The following KIAA1549L variants were observed in gnomAD, a reference collection of about 807,000 sequenced individuals.
KIAA1549L encodes the protein UPF0606 protein KIAA1549L.
Under a neutral mutation model 160.7 loss-of-function variants are expected in KIAA1549L, and 88 were observed. That is an observed-to-expected ratio of 0.55 (90% CI 0.46 to 0.65). The LOEUF (loss-of-function observed/expected upper bound fraction) is 0.65, where lower values mean the gene tolerates loss of function less well. Among genes scored for constraint, KIAA1549L ranks in the 30% least tolerant of loss-of-function variants. The pLI, the probability that KIAA1549L is intolerant of heterozygous loss-of-function variation, is 0.00. For synonymous variants in KIAA1549L, 950 were observed against 976.7 expected (o/e 0.97, Z 0.51); for missense variants, 2,258 against 2,437.5 (o/e 0.93, Z 1.55).
chr11:33,448,919 A>C (rs1851668469), intron 1 of KIAA1549L, among the ~76,000 whole-genome samples: 1 of 152,132 alleles, frequency 6.6e-6, no homozygotes, highest in Non-Finnish European at 1.5e-5. Flanking sequence ...TTTCCCCCTC[A>C]GTGACTCACT....
intron 1 of KIAA1549L, among the ~76,000 whole-genome samples, chr11:33,454,739 T>G (rs993987195): frequency 1.3e-5 from 2 of 152,166 alleles, no homozygotes; most frequent in African/African-American, 4.8e-5. Flanking sequence ...AGATGTCTTT[T>G]GAAAACAAAG....
chr11:33,463,146 T>C (rs963949662), intron 1 of KIAA1549L, among the ~76,000 whole-genome samples: 1 of 152,176 alleles, frequency 6.6e-6, no homozygotes, highest in African/African-American at 2.4e-5. Context: ...TCTTCCTTAA[T>C]GGTACTTTCT....
chr11:33,528,077 C>T (rs947178199), intron 1 of KIAA1549L, among the ~76,000 whole-genome samples: 2 of 152,190 alleles, frequency 1.3e-5, no homozygotes, highest in Admixed American at 6.5e-5. Flanking sequence ...TCCCCATTCA[C>T]CTCCAGCCAT....
chr11:33,429,682 C>G (rs1851191200), intron 1 of KIAA1549L, among the ~76,000 whole-genome samples: 1 of 152,198 alleles, frequency 6.6e-6, no homozygotes, highest in African/African-American at 2.4e-5. Context: ...GCCTAGACCT[C>G]TTTCCTTTGT....
chr11:33,623,304 C>A (rs2133359100), intron 16 of KIAA1549L, among the ~76,000 whole-genome samples: 1 of 152,274 alleles, frequency 6.6e-6, no homozygotes, highest in Non-Finnish European at 1.5e-5. Context: ...ATTCTAGAAG[C>A]AACCTGCTTG....
chr11:33,475,450 G>A (rs1357783593), intron 1 of KIAA1549L, among the ~76,000 whole-genome samples: 6 of 151,920 alleles, frequency 3.9e-5, no homozygotes, highest in Admixed American at 6.6e-5. Context: ...CCAGGGCTTT[G>A]GAAATCTGAG....
chr11:33,635,460 C>G (rs983687801), intron 16 of KIAA1549L, among the ~76,000 whole-genome samples: 1 of 152,180 alleles, frequency 6.6e-6, no homozygotes, highest in African/African-American at 2.4e-5. Flanking sequence ...AGCTGAAAAT[C>G]TGGGCTTTGG....
At chr11:33,537,392 T>A (rs569743687) in intron 1 of KIAA1549L, among the ~76,000 whole-genome samples, 1 of 152,240 alleles carries the variant, frequency 6.6e-6, no homozygotes, top group Non-Finnish European at 1.5e-5. Flanking sequence ...CTTAAGACGT[T>A]GCTTAACTCA....
chr11:33,540,569 G>A (rs1853995637), intron 1 of KIAA1549L, among the ~76,000 whole-genome samples: 3 of 152,224 alleles, frequency 2.0e-5, no homozygotes, highest in Admixed American at 2.0e-4. Context: ...GCAAGTGTCT[G>A]AGGGGGGAAT....
At chr11:33,652,241 G>T (rs531209345) in intron 17 of KIAA1549L, among the ~76,000 whole-genome samples, 1 of 151,948 alleles carries the variant, frequency 6.6e-6, no homozygotes, top group East Asian at 2.0e-4. Flanking sequence ...AATACATGAG[G>T]CAGGAAACTA....
intron 1 of KIAA1549L, among the ~76,000 whole-genome samples, chr11:33,498,214 G>A (rs983096021): frequency 2.6e-5 from 4 of 152,230 alleles, no homozygotes; most frequent in African/African-American, 9.7e-5. Context: ...AGGATTGCTT[G>A]AGCCCAGAAG....
At chr11:33,631,766 A>G (rs546339163) in intron 16 of KIAA1549L, among the ~76,000 whole-genome samples, 1 of 152,068 alleles carries the variant, frequency 6.6e-6, no homozygotes, top group South Asian at 2.1e-4. Context: ...TTCACCTCCA[A>G]CTTCCATTAG....
At chr11:33,515,020 C>T (rs972280322) in intron 1 of KIAA1549L, among the ~76,000 whole-genome samples, 1 of 152,088 alleles carries the variant, frequency 6.6e-6, no homozygotes, top group Admixed American at 6.5e-5. Flanking sequence ...AAGAGGCCAC[C>T]ATTCTCATCT....
chr11:33,408,516 T>A (rs1446828696), intron 1 of KIAA1549L, among the ~76,000 whole-genome samples: 1 of 147,000 alleles, frequency 6.8e-6, no homozygotes, highest in Admixed American at 6.8e-5. Flanking sequence ...TATATACACA[T>A]GTATATATGT....
intron 12 of KIAA1549L, among the ~76,000 whole-genome samples, chr11:33,598,168 TAGAG>T (rs749205913): frequency 1.4e-5 from 2 of 146,034 alleles, no homozygotes; most frequent in African/African-American, 5.2e-5. Context: ...TTGCCACAGT[TAGAG>T]AGTTAGAGAG....
chr11:33,583,392 C>A lies in KIAA1549L; in HGVS notation c.4457C>A (p.Pro1486His). ...NLWIIAAVLA[P>H]IAVVTVIIII... ...TGGATCATCGCTGCAGTGCTGGCGCCCATTGCCGTGGTCACGGTCATCATC... is the reference window on the plus strand; with the variant it reads ...TGGATCATCGCTGCAGTGCTGGCGCACATTGCCGTGGTCACGGTCATCATC... The change falls in exon 11 of 21, where the codon CCC becomes CAC. Residue 1486 changes from proline to histidine, a missense_variant. Around this residue, in one of 6 missense-constraint regions of KIAA1549L, gnomAD observed 1,359 missense variants for 1,546.6 expected, o/e 0.88. Transcript: ENST00000658780. The A allele has an allele frequency of 6.2e-7, 1 of 1,605,462 alleles. No homozygotes were observed. The highest frequency in any genetic ancestry group is 2.2e-5 in the East Asian group (1 of 44,476).
chr11:33,409,477 CAGTGA>C (rs1850743022), intron 1 of KIAA1549L, among the ~76,000 whole-genome samples: 1 of 152,222 alleles, frequency 6.6e-6, no homozygotes, highest in Non-Finnish European at 1.5e-5. Context: ...CTTTGTGCTT[CAGTGA>C]CATTTTTGCT....
chr11:33,525,586 C>T (rs745467917), intron 1 of KIAA1549L, among the ~76,000 whole-genome samples: 1 of 102,258 alleles, frequency 9.8e-6, no homozygotes, highest in Non-Finnish European at 2.1e-5. Flanking sequence ...AGAATCTGGT[C>T]GGGGTCGGGG....
intron 1 of KIAA1549L, among the ~76,000 whole-genome samples, chr11:33,388,938 A>G (rs1200992254): frequency 6.6e-6 from 1 of 152,226 alleles, no homozygotes; most frequent in South Asian, 2.1e-4. Context: ...CTTCCTCAAC[A>G]TAGGCCAAGG....
Sources: allele counts gnomAD v4.1 joint callset (sites outside exome capture counted in the v4.1 genomes callset), GRCh38; gene constraint gnomAD v4.1.1; regional missense constraint gnomAD v4.1.1; transcripts MANE v1.5; gene names NCBI Gene and HGNC (gene_info 2026-07-23, HGNC 2026-07-21).